The following CSRNP3 variants were observed in gnomAD, a reference collection of about 807,000 sequenced individuals.
The protein encoded by CSRNP3 is cysteine and serine rich nuclear protein 3.
Under a neutral mutation model 48.0 loss-of-function variants are expected in CSRNP3, and 12 were observed. The ratio of observed to expected loss-of-function variants is 0.25; its 90% CI spans 0.16 to 0.41. CSRNP3 has a LOEUF of 0.41. Among genes scored for constraint, CSRNP3 ranks in the 10% least tolerant of loss-of-function variants. CSRNP3 has a pLI of 1.00. For synonymous variants in CSRNP3, 263 were observed against 269.7 expected (o/e 0.98, Z 0.24); for missense variants, 580 against 724.4 (o/e 0.80, Z 2.29).
rs1262050738 is a variant in CSRNP3, at chr2:165,686,845, T to G, written c.*7092T>G. 4 of 152,060 alleles carry G rather than the reference T, an allele frequency of 2.6e-5. No homozygotes were observed. The highest frequency in any genetic ancestry group is 9.7e-5 in the African/African-American group (4 of 41,432). The allele number at this position is 152,060 out of a possible 1,614,324, so 9.4% of individuals were successfully genotyped here. On this transcript the variant is annotated 3_prime_UTR_variant, in exon 7 of 7. Coordinates refer to ENST00000651982, the MANE Select transcript of CSRNP3 (RefSeq NM_001172173.2). ...CAAAGATACTCACAATGGCCAACTG[T>G]GTGTGAATACTGGAAAGTTTGAGAT... is the stretch of plus-strand genomic sequence containing the variant.
Position 165,682,208 on chromosome 2 carries a change from G to T in CSRNP3, c.*2455G>T, listed in dbSNP as rs529571893. The stretch of plus-strand genomic sequence containing the variant: ...TATGAAGCCTACTTTTTTATTTTTG[G>T]CTAGGTCTTTGTTTTCTAGCTTTGT... On this transcript the variant is annotated 3_prime_UTR_variant, in exon 7 of 7. Transcript: ENST00000651982. 6.6e-6 allele frequency: 1 copy of T among 151,832 alleles called. No homozygotes were observed. Among genetic ancestry groups the T allele is most frequent in the Non-Finnish European group, 1.5e-5 (1 of 67,944 alleles). 9.4% of individuals were successfully genotyped at this position (151,832 alleles called of 1,614,324 possible). A position where few individuals can be genotyped will look rare whatever the true frequency, so the allele number is the denominator to read the frequency against.
intron 4 of CSRNP3, among the ~76,000 whole-genome samples, chr2:165,628,835 G>A (rs957322700): frequency 2.6e-5 from 4 of 152,230 alleles, no homozygotes; most frequent in Admixed American, 6.5e-5. Context: ...GGAGGCCAAG[G>A]CGGGAGGATT....
intron 5 of CSRNP3, among the ~76,000 whole-genome samples, 171 bp downstream of exon 5, chr2:165,658,191 G>A (rs1687038231): frequency 2.6e-5 from 4 of 151,964 alleles, no homozygotes; most frequent in Admixed American, 2.0e-4. Flanking sequence ...AAAGCAATGT[G>A]GGAAACTTAC....
intron 4 of CSRNP3, among the ~76,000 whole-genome samples, chr2:165,652,789 CT>C (rs1558962662): frequency 1.3e-5 from 2 of 152,206 alleles, no homozygotes; most frequent in East Asian, 3.9e-4. Flanking sequence ...AGGGATCCAC[CT>C]GCCTCAGCCT....
intron 4 of CSRNP3, among the ~76,000 whole-genome samples, chr2:165,638,648 T>G (rs1381568210): frequency 1.3e-5 from 2 of 152,212 alleles, no homozygotes; most frequent in South Asian, 2.1e-4. Context: ...CAACTGAAAA[T>G]TTTTATAATT....
chr2:165,517,654 T>TATG (rs1684598920), intron 2 of CSRNP3, among the ~76,000 whole-genome samples: 1 of 151,990 alleles, frequency 6.6e-6, no homozygotes, highest in South Asian at 2.1e-4. Flanking sequence ...TTAAACTATG[T>TATG]ATGGATCATT....
At chr2:165,486,210 C>A (rs1390664662) in intron 1 of CSRNP3, among the ~76,000 whole-genome samples, 1 of 152,176 alleles carries the variant, frequency 6.6e-6, no homozygotes, top group Non-Finnish European at 1.5e-5. Flanking sequence ...TCGGGTCACT[C>A]CCACCCGATT....
At chr2:165,572,056 CT>C (rs1289105171) in intron 3 of CSRNP3, among the ~76,000 whole-genome samples, 1 of 152,040 alleles carries the variant, frequency 6.6e-6, no homozygotes, top group African/African-American at 2.4e-5. Context: ...TAGGAAATGG[CT>C]TTTTGCAAGT....
chr2:165,508,835 G>A (rs558058206), intron 2 of CSRNP3, among the ~76,000 whole-genome samples: 121 of 152,236 alleles, frequency 7.9e-4, no homozygotes, highest in African/African-American at 2.8e-3. Context: ...ACATTTAACA[G>A]TTTAGTCTGT....
At chr2:165,563,638 C>T (rs1316368801) in intron 3 of CSRNP3, among the ~76,000 whole-genome samples, 1 of 152,098 alleles carries the variant, frequency 6.6e-6, no homozygotes, top group Non-Finnish European at 1.5e-5. Flanking sequence ...CAGAAAACTT[C>T]AGCACCAGGT....
At chr2:165,580,189 GAA>G (rs1352393390) in intron 3 of CSRNP3, among the ~76,000 whole-genome samples, 1 of 152,060 alleles carries the variant, frequency 6.6e-6, no homozygotes, top group Admixed American at 6.6e-5. Context: ...CTACTTTTGT[GAA>G]ACTTGTTTAA....
At chr2:165,657,518 T>C (rs1189362269) in intron 4 of CSRNP3, among the ~76,000 whole-genome samples, 1 of 152,210 alleles carries the variant, frequency 6.6e-6, no homozygotes, top group African/African-American at 2.4e-5. Flanking sequence ...GCTTAGATTA[T>C]CATTATACTT....
chr2:165,674,479 A>G (rs1306866538), intron 5 of CSRNP3, among the ~76,000 whole-genome samples: 1 of 151,880 alleles, frequency 6.6e-6, no homozygotes, highest in Non-Finnish European at 1.5e-5. Flanking sequence ...ACTAGTGGCT[A>G]TCACAGTTTA....
chr2:165,495,018 T>C (rs962413227), intron 2 of CSRNP3, 90 bp downstream of exon 2: 1 of 152,554 alleles, frequency 6.6e-6, no homozygotes, highest in African/African-American at 2.4e-5. Flanking sequence ...CTGGCTTGTA[T>C]CTGCTCTTAA....
At chr2:165,495,333 C>A (rs1418148211) in intron 2 of CSRNP3, among the ~76,000 whole-genome samples, 1 of 151,904 alleles carries the variant, frequency 6.6e-6, no homozygotes, top group African/African-American at 2.4e-5. Context: ...AATGATGTTT[C>A]TTTTTTAAAA....
At chr2:165,474,602 G>A (rs564906682) in intron 1 of CSRNP3, among the ~76,000 whole-genome samples, 1 of 152,178 alleles carries the variant, frequency 6.6e-6, no homozygotes, top group African/African-American at 2.4e-5. Flanking sequence ...GCGCAGAGAG[G>A]ACAATGATCA....
At chr2:165,505,834 C>A (rs1159673665) in intron 2 of CSRNP3, among the ~76,000 whole-genome samples, 2 of 152,082 alleles carry the variant, frequency 1.3e-5, no homozygotes, top group South Asian at 2.1e-4. Flanking sequence ...AATTTCATTT[C>A]TTTTACTGGT....
At chr2:165,646,562 T>C (rs1432937547) in intron 4 of CSRNP3, among the ~76,000 whole-genome samples, 2 of 152,186 alleles carry the variant, frequency 1.3e-5, no homozygotes, top group Non-Finnish European at 2.9e-5. Context: ...GAATAGCAAA[T>C]GTTTCCTTCT....
chr2:165,507,495 G>A (rs1433014740), intron 2 of CSRNP3, among the ~76,000 whole-genome samples: 1 of 152,024 alleles, frequency 6.6e-6, no homozygotes, highest in African/African-American at 2.4e-5. Context: ...TCACCCTATG[G>A]TAAAATCACT....
Sources: gnomAD v4.1 joint callset for allele counts (sites outside exome capture counted in the v4.1 genomes callset) on GRCh38, gnomAD v4.1.1 for gene constraint, MANE v1.5 for transcripts, NCBI Gene and HGNC (gene_info 2026-07-23, HGNC 2026-07-21) for gene names.